DGKG: variants seen among roughly 807,000 people sequenced by gnomAD.
DGKG encodes DAG kinase gamma.
DGKG carries 78 observed loss-of-function variants against 105.3 expected under a neutral mutation model. The observed-to-expected ratio is 0.74, with a 90% CI of 0.62 to 0.89. DGKG has a LOEUF of 0.89. Ranked by LOEUF, DGKG falls within the 40% of genes least tolerant of loss-of-function variation. The pLI, the probability that DGKG is intolerant of heterozygous loss-of-function variation, is 0.00. For synonymous variants in DGKG, 346 were observed against 367.1 expected (o/e 0.94, Z 0.66); for missense variants, 958 against 1,020.1 (o/e 0.94, Z 0.83).
chr3:186,316,334 G>A (rs1414221143), intron 2 of DGKG, among the ~76,000 whole-genome samples: 1 of 152,202 alleles, frequency 6.6e-6, no homozygotes, highest in East Asian at 1.9e-4. Flanking sequence ...ATACAAAATA[G>A]CACAACATGC....
intron 2 of DGKG, among the ~76,000 whole-genome samples, chr3:186,309,903 G>T (rs1004692608): frequency 6.6e-6 from 1 of 151,694 alleles, no homozygotes; most frequent in South Asian, 2.1e-4. Flanking sequence ...AATAAACTGA[G>T]GTTTTAATAA....
At chr3:186,266,046 A>G (rs1467783900) in intron 13 of DGKG, among the ~76,000 whole-genome samples, 2 of 151,976 alleles carry the variant, frequency 1.3e-5, no homozygotes, top group Non-Finnish European at 2.9e-5. Context: ...TGTTTTTCTA[A>G]TGTTTATTTT....
intron 21 of DGKG, among the ~76,000 whole-genome samples, chr3:186,199,405 C>T (rs969876592): frequency 6.6e-6 from 1 of 152,106 alleles, no homozygotes; most frequent in East Asian, 1.9e-4. Context: ...TTAATCCACA[C>T]GTATGTTATA....
rs538642165 is a variant in DGKG, at chr3:186,247,771, T to C, written c.1761+3988A>G. On this transcript the variant is annotated intron_variant, in intron 19 of 24. Coordinates refer to ENST00000265022, the MANE Select transcript of DGKG (RefSeq NM_001346.3). ...TTCTTCTGCAACATAATATTAAACA[T>C]GGATAAGCTAAAGGTGTATGAAAAA... Among the ~76,000 whole-genome samples the C allele has an allele frequency of 1.1e-3, 166 of 152,270 alleles. 1 individual carries two copies. The highest frequency in any genetic ancestry group is 3.8e-3 in the African/African-American group (159 of 41,550).
intron 15 of DGKG, 96 bp downstream of exon 15, chr3:186,261,603 G>T: frequency 1.1e-6 from 1 of 875,546 alleles, no homozygotes; most frequent in Non-Finnish European, 1.9e-6. Context: ...ATTTGAGTCT[G>T]CCTGTCTCCA....
At chr3:186,186,655 G>A (rs1433622188) in intron 22 of DGKG, among the ~76,000 whole-genome samples, 1 of 152,194 alleles carries the variant, frequency 6.6e-6, no homozygotes, top group Non-Finnish European at 1.5e-5. Context: ...AGCAGGTCTT[G>A]GACTAGAATT....
chr3:186,279,140 C>T (rs1325128326), intron 9 of DGKG: 1 of 152,266 alleles, frequency 6.6e-6, no homozygotes, highest in Non-Finnish European at 1.5e-5. Context: ...CATAAACTCT[C>T]TCTAGGTCTT....
chr3:186,288,310 A>C (rs1395231489), intron 6 of DGKG, among the ~76,000 whole-genome samples: 1 of 152,210 alleles, frequency 6.6e-6, no homozygotes, highest in African/African-American at 2.4e-5. Context: ...TTGCCTGGGC[A>C]CAGAATAGGG....
At chr3:186,191,733 ATTGCTTTTGTGTATTCCTAC>A (rs1717917987) in intron 21 of DGKG, among the ~76,000 whole-genome samples, 1 of 152,198 alleles carries the variant, frequency 6.6e-6, no homozygotes, top group Non-Finnish European at 1.5e-5. Flanking sequence ...ACAGGTCTGA[ATTGCTTTTGTGTATTCCTAC>A]CTGGTTGCAT....
At chr3:186,343,203 C>T (rs1433577511) in intron 1 of DGKG, among the ~76,000 whole-genome samples, 3 of 152,196 alleles carry the variant, frequency 2.0e-5, no homozygotes, top group Non-Finnish European at 2.9e-5. Context: ...GGCTACTGAA[C>T]CACTTTCGTT....
chr3:186,331,455 C>T (rs1283151717), intron 1 of DGKG, among the ~76,000 whole-genome samples: 1 of 152,158 alleles, frequency 6.6e-6, no homozygotes, highest in Non-Finnish European at 1.5e-5. Context: ...CTTAAATAAA[C>T]ATAAACACAA....
chr3:186,328,877 C>G (rs956330949), intron 1 of DGKG, among the ~76,000 whole-genome samples: 4 of 152,178 alleles, frequency 2.6e-5, no homozygotes, highest in Non-Finnish European at 5.9e-5. Flanking sequence ...CTGCGCCCGG[C>G]CTTACACCAT....
intron 2 of DGKG, among the ~76,000 whole-genome samples, chr3:186,310,051 G>A (rs1193209733): frequency 5.3e-5 from 8 of 149,684 alleles, no homozygotes; most frequent in South Asian, 2.1e-4. Context: ...GGCGGATCAC[G>A]AGGTCAGGAG....
intron 19 of DGKG, among the ~76,000 whole-genome samples, chr3:186,243,304 C>T (rs1383516421): frequency 6.6e-6 from 1 of 152,010 alleles, no homozygotes; most frequent in African/African-American, 2.4e-5. Flanking sequence ...ATCATGTGGA[C>T]ACTGCCCTCC....
intron 17 of DGKG, among the ~76,000 whole-genome samples, chr3:186,255,813 G>C (rs879434739): frequency 3.9e-5 from 6 of 152,150 alleles, no homozygotes; most frequent in Admixed American, 1.3e-4. Flanking sequence ...GGGGACCATG[G>C]GGGGGCGCTG....
intron 1 of DGKG, among the ~76,000 whole-genome samples, chr3:186,353,644 A>ATCTATG (rs59298207): frequency 5.2e-5 from 5 of 96,974 alleles, no homozygotes; most frequent in East Asian, 7.8e-4. Context: ...CTATATCTAT[A>ATCTATG]TCTATGTCTA....
chr3:186,337,172 T>C (rs1256038674), intron 1 of DGKG, among the ~76,000 whole-genome samples: 1 of 151,868 alleles, frequency 6.6e-6, no homozygotes, highest in Non-Finnish European at 1.5e-5. Context: ...ACAAGGAAAA[T>C]ACAAAAACAA....
intron 24 of DGKG, among the ~76,000 whole-genome samples, chr3:186,150,538 T>C (rs1280345367): frequency 2.6e-5 from 4 of 151,950 alleles, no homozygotes; most frequent in African/African-American, 9.7e-5. Context: ...CCCATTAGAG[T>C]AGCCTAAGTT....
intron 21 of DGKG, among the ~76,000 whole-genome samples, chr3:186,206,933 G>A (rs1718774213): frequency 6.6e-6 from 1 of 152,016 alleles, no homozygotes. Context: ...GTTTTTAGTA[G>A]AGATGAGGTT....
Sources: allele counts gnomAD v4.1 joint callset (sites outside exome capture counted in the v4.1 genomes callset), GRCh38; gene constraint gnomAD v4.1.1; transcripts MANE v1.5; gene names NCBI Gene and HGNC (gene_info 2026-07-23, HGNC 2026-07-21).